FRMPD3: variants seen among roughly 807,000 people sequenced by gnomAD.
FRMPD3 encodes FERM and PDZ domain-containing protein 3.
FRMPD3 carries 42 observed loss-of-function variants against 97.9 expected under a neutral mutation model. The observed-to-expected ratio is 0.43, with a 90% CI of 0.34 to 0.55. The LOEUF is 0.55. Among genes scored for constraint, FRMPD3 ranks in the 20% least tolerant of loss-of-function variants. The pLI is 0.03. For missense variants in FRMPD3, 1,303 were observed against 1,457.7 expected (o/e 0.89, Z 1.73); for synonymous variants, 577 against 581.1 (o/e 0.99, Z 0.10).
intron 8 of FRMPD3, among the ~76,000 whole-genome samples, chrX:107,556,948 A>G (rs1922109072): frequency 8.9e-6 from 1 of 112,153 alleles, no homozygotes; most frequent in Non-Finnish European, 1.9e-5. Flanking sequence ...CAGTCTTCGT[A>G]TGGACATATG....
At chrX:107,508,810 T>C (rs1045561458) in intron 1 of FRMPD3, among the ~76,000 whole-genome samples, 1 of 111,977 alleles carries the variant, frequency 8.9e-6, no homozygotes. Context: ...GGTTTTGTTG[T>C]TGTACTAAGT....
At chrX:107,542,451 C>T (rs978170891) in intron 4 of FRMPD3, among the ~76,000 whole-genome samples, 6 of 111,581 alleles carry the variant, frequency 5.4e-5, no homozygotes, top group African/African-American at 2.0e-4. Flanking sequence ...CAGACCTCAC[C>T]CCCAGGAATT....
chrX:107,552,692 A>T (rs1921915068), intron 6 of FRMPD3, 103 bp from the exon 7 acceptor site: 4 of 914,404 alleles, frequency 4.4e-6, no homozygotes, highest in Non-Finnish European at 3.0e-6. Context: ...CCCCAGGACT[A>T]TATTTCTTTT....
chrX:107,588,225 A>G (rs1953415596), intron 13 of FRMPD3, among the ~76,000 whole-genome samples: 1 of 108,418 alleles, frequency 9.2e-6, no homozygotes, highest in African/African-American at 3.4e-5. Context: ...GGAGAATCTG[A>G]TGATTATGTG....
chrX:107,506,765 T>A (rs2080603551), intron 1 of FRMPD3, among the ~76,000 whole-genome samples: 1 of 112,055 alleles, frequency 8.9e-6, no homozygotes, highest in Admixed American at 9.4e-5. Flanking sequence ...TTTACAGCTC[T>A]CTCGCTAGTT....
chrX:107,553,172 G>A (rs1921936702), intron 7 of FRMPD3, among the ~76,000 whole-genome samples: 1 of 109,854 alleles, frequency 9.1e-6, no homozygotes. Flanking sequence ...TCACCACATG[G>A]CACCCAGAAT....
intron 1 of FRMPD3, among the ~76,000 whole-genome samples, chrX:107,463,776 C>T (rs1931514537): frequency 8.9e-6 from 1 of 112,730 alleles, no homozygotes; most frequent in Non-Finnish European, 1.9e-5. Flanking sequence ...TGTTAAAATG[C>T]AAATATGTCA....
intron 1 of FRMPD3, among the ~76,000 whole-genome samples, chrX:107,491,191 C>T (rs1223848089): frequency 8.9e-6 from 1 of 112,091 alleles, no homozygotes; most frequent in Non-Finnish European, 1.9e-5. Context: ...ATAACAGCAA[C>T]ATCATCACTG....
rs143305088 is a variant in FRMPD3 at position 107,533,389 on chromosome X, C to T, written c.252-116C>T. On this transcript the variant is annotated intron_variant, in intron 3 of 14. Transcript: ENST00000683843. ...TCCATGCAGACACTCAGATTGCCCTCTATCCTAATCCATATACCTGAATAA... is the reference window on the plus strand; with the variant it reads ...TCCATGCAGACACTCAGATTGCCCTTTATCCTAATCCATATACCTGAATAA... 6.6e-3 allele frequency: 3,940 copies of T among 594,376 alleles called. 106 individuals carry two copies. In the African/African-American group the frequency reaches 0.077, roughly 12 times the overall value. 49.0% of individuals were successfully genotyped at this position (594,376 alleles called of 1,213,427 possible).
chrX:107,589,777 A>G (rs764961788), intron 13 of FRMPD3, among the ~76,000 whole-genome samples: 1 of 112,761 alleles, frequency 8.9e-6, no homozygotes, highest in Non-Finnish European at 1.9e-5. Flanking sequence ...TGTATTTATA[A>G]CTATTTGTTC....
At chrX:107,508,834 C>A (rs1482218493) in intron 1 of FRMPD3, among the ~76,000 whole-genome samples, 1 of 111,931 alleles carries the variant, frequency 8.9e-6, no homozygotes, top group Non-Finnish European at 1.9e-5. Context: ...ATGCCTGTAA[C>A]ATCAATAAGT....
intron 8 of FRMPD3, 28 bp from the exon 9 acceptor site, chrX:107,560,229 G>A (rs908568436): frequency 6.7e-6 from 8 of 1,201,613 alleles, no homozygotes; most frequent in Non-Finnish European, 7.8e-6. Flanking sequence ...TCCTTCAGCT[G>A]ATAGGTTTGG....
rs1000817391 is a variant in FRMPD3, at chrX:107,601,699, C to T, written c.3660C>T (p.Phe1220=). ...SRGPFRLRNL[F]SATFPTRQKK... Reference sequence around the variant, plus strand: ...GTCCTTTCCGGCTACGCAATTTATTCTCTGCCACCTTCCCAACCCGCCAGA... The same window carrying T: ...GTCCTTTCCGGCTACGCAATTTATTTTCTGCCACCTTCCCAACCCGCCAGA... Residue 1220 remains phenylalanine (F), a synonymous_variant, in exon 15 of 15, where the codon TTC becomes TTT. Coordinates refer to ENST00000683843, the MANE Select transcript of FRMPD3 (RefSeq NM_001388459.1). 8 of 1,209,925 alleles carry T rather than the reference C, an allele frequency of 6.6e-6. No individual in the cohort carries two copies. Among genetic ancestry groups the T allele is most frequent in the African/African-American group, 3.5e-5 (2 of 57,457 alleles).
At chrX:107,600,218 C>T (rs1924425817) in intron 14 of FRMPD3, 85 bp from the exon 15 acceptor site, 2 of 1,092,382 alleles carry the variant, frequency 1.8e-6, no homozygotes, top group Non-Finnish European at 1.2e-6. Context: ...AGCCAATCGC[C>T]CATGAATACC....
chrX:107,562,900 A>C (rs1922433561), intron 10 of FRMPD3, among the ~76,000 whole-genome samples: 1 of 111,873 alleles, frequency 8.9e-6, no homozygotes, highest in South Asian at 3.8e-4. Flanking sequence ...GAGGTAGGAC[A>C]AGATTTTAGA....
intron 1 of FRMPD3, among the ~76,000 whole-genome samples, chrX:107,459,707 T>C (rs1334183604): frequency 8.9e-6 from 1 of 112,740 alleles, no homozygotes; most frequent in Non-Finnish European, 1.9e-5. Flanking sequence ...AGTACAGTAG[T>C]TCTGCTCAGG....
chrX:107,463,208 A>C (rs1014321658), intron 1 of FRMPD3, among the ~76,000 whole-genome samples: 2 of 112,806 alleles, frequency 1.8e-5, no homozygotes, highest in African/African-American at 6.4e-5. Context: ...CATTAGACAG[A>C]GCATGTACTC....
chrX:107,563,030 T>G, intron 10 of FRMPD3, 81 bp from the exon 11 acceptor site: 30 of 743,481 alleles, frequency 4.0e-5, no homozygotes, highest in Non-Finnish European at 6.0e-5. Context: ...CCTAGGATGT[T>G]GAGACTCCTC....
intron 1 of FRMPD3, among the ~76,000 whole-genome samples, chrX:107,521,883 T>C (rs965026733): frequency 1.8e-5 from 2 of 112,851 alleles, no homozygotes; most frequent in Admixed American, 1.9e-4. Flanking sequence ...TACATTTCCA[T>C]CTTCCTGCAT....
Sources: allele counts gnomAD v4.1 joint callset (sites outside exome capture counted in the v4.1 genomes callset), GRCh38; gene constraint gnomAD v4.1.1; transcripts MANE v1.5; gene names NCBI Gene and HGNC (gene_info 2026-07-23, HGNC 2026-07-21).